The following SEMA4B variants were observed in gnomAD, a reference collection of about 807,000 sequenced individuals.
SEMA4B encodes the protein semaphorin 4B, also known as semaphorin-4B.
A neutral mutation model predicts 88.1 loss-of-function variants in SEMA4B; 55 were observed. The ratio of observed to expected loss-of-function variants is 0.62; its 90% confidence interval spans 0.50 to 0.78. SEMA4B has a LOEUF of 0.78. Among genes scored for constraint, SEMA4B ranks in the 30% least tolerant of loss-of-function variants. The probability of loss-of-function intolerance (pLI) is 0.00; values close to 1 mark genes in which losing one functional copy is unlikely to be tolerated. For synonymous variants in SEMA4B, 525 were observed against 473.6 expected, an observed-to-expected ratio of 1.11 and a Z score of -1.41; for missense variants, 1,062 against 1,111.9, an observed-to-expected ratio of 0.96 and a Z score of 0.64.
intron 4 of SEMA4B, 109 bp downstream of exon 4, chr15:90,220,000 G>GCAGGAGGAGGGAGAGCAGT: frequency 1.2e-6 from 1 of 825,400 alleles, no homozygotes. Context: ...GGGCCCAGAG[G>GCAGGAGGAGGGAGAGCAGT]GAGGTTTCTA....
intron 7 of SEMA4B, 87 bp downstream of exon 7, chr15:90,221,852 T>G: frequency 1.6e-5 from 21 of 1,292,290 alleles, no homozygotes; most frequent in East Asian, 2.7e-5. Flanking sequence ...TGCATGGCCT[T>G]TCCCATCCCG....
intron 3 of SEMA4B, among the ~76,000 whole-genome samples, chr15:90,218,305 A>G (rs774501119): frequency 1.3e-5 from 2 of 152,180 alleles, no homozygotes; most frequent in Non-Finnish European, 2.9e-5. Flanking sequence ...TGGAGGACTC[A>G]TCATCATCCC....
chr15:90,213,596 G>C (rs894773628), intron 1 of SEMA4B, among the ~76,000 whole-genome samples: 1 of 152,238 alleles, frequency 6.6e-6, no homozygotes, highest in African/African-American at 2.4e-5. Flanking sequence ...TCTCCCAGGC[G>C]TAAGTGGGAT....
At chr15:90,207,343 C>A (rs929235157) in intron 1 of SEMA4B, among the ~76,000 whole-genome samples, 4 of 152,062 alleles carry the variant, frequency 2.6e-5, no homozygotes, top group Non-Finnish European at 5.9e-5. Context: ...CAGAAGCCAT[C>A]ATTTTACCAT....
At position 90,201,744 on chromosome 15, in the gene SEMA4B, CG is replaced by C. The variant is rs1449826707; in HGVS notation, c.157+13del. ...GATCAGCCTGCCTCTGGGTGAGTGC[CG>C]GGGACCCGGGGACGCGGGCCGGGGG... On this transcript the variant is annotated intron_variant, in intron 1 of 13. Transcript: ENST00000411539. 46 of 1,394,480 alleles carry C rather than the reference CG, an allele frequency of 3.3e-5. No individual in the cohort carries two copies. Among genetic ancestry groups the C allele is most frequent in the Non-Finnish European group, 3.9e-5 (42 of 1,077,664 alleles). 86.4% of individuals were successfully genotyped at this position (1,394,480 alleles called of 1,614,324 possible). A position where few individuals can be genotyped will look rare whatever the true frequency, so the allele number is the denominator to read the frequency against.
chr15:90,223,151 A>G (rs968433304), intron 7 of SEMA4B, among the ~76,000 whole-genome samples: 28 of 152,022 alleles, frequency 1.8e-4, no homozygotes, highest in African/African-American at 6.0e-4. Flanking sequence ...TATTTTTAGC[A>G]GAGACAGGGT....
chr15:90,193,183 A>G (rs1036202314), intron 1 of SEMA4B: 2 of 152,306 alleles, frequency 1.3e-5, no homozygotes, highest in Non-Finnish European at 2.9e-5. Context: ...AGACTCGCCA[A>G]CATCCAAGAG....
At position 90,225,067 on chromosome 15, in the gene SEMA4B, C is replaced by T; in HGVS notation, c.1294C>T (p.Gln432Ter). 1 of 1,613,876 alleles carries T rather than the reference C, an allele frequency of 6.2e-7. No homozygotes were observed. Among genetic ancestry groups the T allele is most frequent in the Non-Finnish European group, 8.5e-7 (1 of 1,179,834 alleles). Residue 432 changes from glutamine (Q) to a stop codon, truncating the protein, a stop_gained, in exon 10 of 14, where the codon CAG (glutamine) becomes TAG (stop). Coordinates refer to ENST00000411539, the MANE Select transcript of SEMA4B (RefSeq NM_198925.4). LOFTEE classifies it high-confidence loss of function. ...FLKDHFLMDGQVRSRMLLLQP... is the reference protein window; with the variant it reads ...FLKDHFLMDG ...CAAGGACCACTTCCTGATGGACGGG[C>T]AGGTCCGAAGCCGCATGCTGCTGCT... is the stretch of plus-strand genomic sequence containing the variant.
At chr15:90,184,962 A>G (rs1596109174), upstream of SEMA4B, 2 of 985,710 alleles carry the variant, frequency 2.0e-6, no homozygotes, top group East Asian at 1.1e-4. Context: ...TGCGCCCGAG[A>G]CTCCGGGTCC....
intron 1 of SEMA4B, among the ~76,000 whole-genome samples, chr15:90,185,360 T>C (rs191259606): frequency 1.3e-4 from 20 of 152,336 alleles, no homozygotes; most frequent in African/African-American, 3.6e-4. Flanking sequence ...CCCCTACTCC[T>C]AAACCCGGGA....
chr15:90,217,963 C>T (rs780851107), intron 3 of SEMA4B, 134 bp downstream of exon 3: 11 of 716,188 alleles, frequency 1.5e-5, no homozygotes, highest in Admixed American at 2.6e-5. Context: ...CTGAGATTAC[C>T]CGGCCTGGGT....
At chr15:90,221,818 C>T (rs1961866230) in intron 7 of SEMA4B, 53 bp downstream of exon 7, 7 of 1,575,144 alleles carry the variant, frequency 4.4e-6, no homozygotes, top group Non-Finnish European at 6.1e-6. Flanking sequence ...AAAGCCTCCA[C>T]AGCTGCAAGA....
chr15:90,207,116 G>T (rs1169004721), intron 1 of SEMA4B: 1 of 296,124 alleles, frequency 3.4e-6, no homozygotes, highest in Non-Finnish European at 6.5e-6. Context: ...GATGGTCACA[G>T]AAGAGTAGAG....
At chr15:90,188,677 T>C (rs1206953398) in intron 1 of SEMA4B, among the ~76,000 whole-genome samples, 4 of 151,944 alleles carry the variant, frequency 2.6e-5, no homozygotes, top group African/African-American at 9.7e-5. Flanking sequence ...ACGTATTGTC[T>C]TTTTTTGTTT....
upstream of SEMA4B, among the ~76,000 whole-genome samples, chr15:90,197,373 G>C (rs997280483): frequency 6.6e-6 from 1 of 152,094 alleles, no homozygotes; most frequent in African/African-American, 2.4e-5. Flanking sequence ...CTGGGTGACA[G>C]AGTGAGACCC....
chr15:90,224,281 G>T (rs908765582), intron 9 of SEMA4B, among the ~76,000 whole-genome samples: 1 of 152,248 alleles, frequency 6.6e-6, no homozygotes, highest in Non-Finnish European at 1.5e-5. Flanking sequence ...CTACTCAGCT[G>T]CAAGCTCCTT....
At position 90,229,016 on chromosome 15, in the gene SEMA4B, G is replaced by A. The variant is rs969565961; in HGVS notation, c.*373G>A. 7 of 373,278 alleles carry A rather than the reference G, an allele frequency of 1.9e-5. No individual in the cohort carries two copies. The highest frequency in any genetic ancestry group is 8.3e-5 in the Admixed American group (2 of 24,026). The allele number at this position is 373,278 out of a possible 1,614,324, so 23.1% of individuals were successfully genotyped here. On this transcript the variant is annotated 3_prime_UTR_variant, in exon 14 of 14. Transcript: ENST00000411539. ...TGCTCCAGTTCATGGCCTCCCAGGG[G>A]TGCTGGGGATGCATCCAAAGTGGTT...
At chr15:90,203,299 C>T (rs1339871235) in intron 1 of SEMA4B, among the ~76,000 whole-genome samples, 1 of 152,122 alleles carries the variant, frequency 6.6e-6, no homozygotes, top group Non-Finnish European at 1.5e-5. Context: ...GTAACCAGCC[C>T]CAGGCCTGCT....
chr15:90,194,153 C>T (rs1223539407), intron 1 of SEMA4B, among the ~76,000 whole-genome samples: 1 of 152,050 alleles, frequency 6.6e-6, no homozygotes, highest in Non-Finnish European at 1.5e-5. Flanking sequence ...GCTTTCAGCC[C>T]ATAATAGTCT....
Sources: gnomAD v4.1 joint callset for allele counts (sites outside exome capture counted in the v4.1 genomes callset) on GRCh38, gnomAD v4.1.1 for gene constraint, MANE v1.5 for transcripts, NCBI Gene and HGNC (gene_info 2026-07-23, HGNC 2026-07-21) for gene names.